The following KMT2C variants were observed in gnomAD, a reference collection of about 807,000 sequenced individuals.
KMT2C encodes histone-lysine N-methyltransferase 2C.
In KMT2C, 88 loss-of-function variants were observed where a neutral mutation model predicts 507.9. That is an observed-to-expected ratio of 0.17 (90% CI 0.15 to 0.21). The LOEUF is 0.21. Ranked by LOEUF, KMT2C falls within the 10% of genes least tolerant of loss-of-function variation. The probability of loss-of-function intolerance (pLI) is 1.00; values close to 1 mark genes in which losing one functional copy is unlikely to be tolerated. For synonymous variants in KMT2C, 2,049 were observed against 2,080.8 expected (o/e 0.98, Z 0.42); for missense variants, 4,954 against 5,957.8 (o/e 0.83, Z 5.55).
chr7:152,417,637 G>A (rs1189906834), intron 1 of KMT2C, among the ~76,000 whole-genome samples: 1 of 152,030 alleles, frequency 6.6e-6, no homozygotes, highest in Non-Finnish European at 1.5e-5. Context: ...ATCAAAAAAT[G>A]CTTTTTTGTT....
At chr7:152,326,950 CAG>C (rs1563871545) in intron 3 of KMT2C, among the ~76,000 whole-genome samples, 8 of 152,102 alleles carry the variant, frequency 5.3e-5, no homozygotes. Context: ...AACTGTGGGA[CAG>C]AGAGATAAAA....
chr7:152,336,310 A>G (rs559110170), intron 2 of KMT2C, among the ~76,000 whole-genome samples: 267 of 152,318 alleles, frequency 1.8e-3, no homozygotes, highest in Non-Finnish European at 1.8e-3. Flanking sequence ...AGATCTTAGT[A>G]TCTGTCAAAG....
In KMT2C at chr7:152,179,666, G is replaced by A. The variant is rs569646736; in HGVS notation, c.7442+168C>T. 6.9e-5 allele frequency among the ~76,000 whole-genome samples: 10 copies of A among 143,956 alleles called. 1 individual carries two copies. Among genetic ancestry groups the A allele is most frequent in the Non-Finnish European group, 1.2e-4 (8 of 64,014 alleles). 94.4% of individuals were successfully genotyped at this position (143,956 alleles called of 152,430 possible). A position where few individuals can be genotyped will look rare whatever the true frequency, so the allele number is the denominator to read the frequency against. ...TAAATTTGTTGAAGAGGTTGGGGGG[G>A]GGGGGGGGTGGTCTCACTATATTGC... On this transcript the variant is annotated intron_variant, in intron 37 of 58. Transcript: ENST00000262189.
At chr7:152,185,961 T>C (rs901130324) in intron 33 of KMT2C, among the ~76,000 whole-genome samples, 1 of 152,192 alleles carries the variant, frequency 6.6e-6, no homozygotes, top group African/African-American at 2.4e-5. Context: ...AAGTACAAGT[T>C]TGTAAAACAT....
intron 1 of KMT2C, chr7:152,367,355 G>A: frequency 1.3e-6 from 1 of 773,212 alleles, no homozygotes; most frequent in East Asian, 2.7e-5. Context: ...AGACACCCCA[G>A]GGAGCACCTA....
At chr7:152,341,631 A>C (rs1411596181) in intron 2 of KMT2C, among the ~76,000 whole-genome samples, 1 of 152,196 alleles carries the variant, frequency 6.6e-6, no homozygotes, top group African/African-American at 2.4e-5. Flanking sequence ...TTGACAGACA[A>C]CACCAATATC....
rs569628547 is a variant in KMT2C at position 152,186,194 on chromosome 7, A to C, written c.5009-563T>G. ...TTATTTATTCCACATTACAAAAAGA[A>C]AGCAAGCTTCCAAAAAGCCAATGAA... On this transcript the variant is annotated intron_variant, in intron 33 of 58. Transcript: ENST00000262189. Among the ~76,000 whole-genome samples the C allele has an allele frequency of 5.9e-5, 9 of 152,358 alleles. No homozygotes were observed. The South Asian group carries it at 1.9e-3, about 32-fold the overall frequency.
intron 1 of KMT2C, among the ~76,000 whole-genome samples, chr7:152,386,339 C>T (rs1357450057): frequency 6.6e-6 from 1 of 152,312 alleles, no homozygotes; most frequent in Non-Finnish European, 1.5e-5. Context: ...ATTATCATCC[C>T]CCTTCCCACT....
At chr7:152,413,261 CG>C (rs1175753677) in intron 1 of KMT2C, among the ~76,000 whole-genome samples, 1 of 151,924 alleles carries the variant, frequency 6.6e-6, no homozygotes, top group African/African-American at 2.4e-5. Context: ...ACTACTAACG[CG>C]GGCCACCATA....
In KMT2C at chr7:152,344,040, T is replaced by C. The variant is rs577753385; in HGVS notation, c.251-13301A>G. Among the ~76,000 whole-genome samples the C allele has an allele frequency of 2.0e-5, 3 of 152,380 alleles. No homozygotes were observed. In the South Asian group the frequency reaches 6.2e-4, roughly 32 times the overall value. On this transcript the variant is annotated intron_variant, in intron 2 of 58. Transcript: ENST00000262189. Reference sequence around the variant, plus strand: ...TTAACTGATCTAATAGATAAGTTTGTTCAAAATAATATCTGCAACAATGTA... The same window carrying C: ...TTAACTGATCTAATAGATAAGTTTGCTCAAAATAATATCTGCAACAATGTA...
chr7:152,317,836 C>T (rs10270901), intron 3 of KMT2C, among the ~76,000 whole-genome samples: 16,487 of 152,076 alleles, frequency 0.11, 2,154 homozygotes, highest in African/African-American at 0.31. Flanking sequence ...TGAGACCCTG[C>T]CTGTATTTTA....
chr7:152,138,668 C>T lies in KMT2C; in HGVS notation c.14643+128G>A. 1 of 634,874 alleles carries T rather than the reference C, an allele frequency of 1.6e-6. No homozygotes were observed. The highest frequency in any genetic ancestry group is 2.0e-5 in the South Asian group (1 of 50,930). The allele number at this position is 634,874 out of a possible 1,614,324, so 39.3% of individuals were successfully genotyped here. A position where few individuals can be genotyped will look rare whatever the true frequency, so the allele number is the denominator to read the frequency against. ...GATACTGCAGGGTGGGAACATCTGG[C>T]CTATTATGGACAGAGTTTTTATCAC... On this transcript the variant is annotated intron_variant, in intron 58 of 58. Coordinates refer to ENST00000262189, the MANE Select transcript of KMT2C (RefSeq NM_170606.3). This position sits in a 1 kb window ranked among gnomAD's most constrained non-coding sequence, Gnocchi z 4.2.
intron 2 of KMT2C, among the ~76,000 whole-genome samples, chr7:152,333,544 T>C (rs1563899565): frequency 2.6e-5 from 4 of 152,228 alleles, no homozygotes. Flanking sequence ...CACCATATTT[T>C]AACTATACAC....
chr7:152,313,450 A>G lies in KMT2C; in HGVS notation c.591-1504T>C, dbSNP rs1377473462. Among the ~76,000 whole-genome samples the G allele has an allele frequency of 2.0e-5, 3 of 152,122 alleles. No homozygotes were observed. The East Asian group carries it at 5.8e-4, about 29-fold the overall frequency. Reference sequence around the variant, plus strand: ...TATATACCATATCAGTAAGATATCAATGTCAACACTAAGGATGACAGCAGC... The same window carrying G: ...TATATACCATATCAGTAAGATATCAGTGTCAACACTAAGGATGACAGCAGC... On this transcript the variant is annotated intron_variant, in intron 4 of 58. Transcript: ENST00000262189.
At chr7:152,265,819 T>A (rs1355376395) in intron 7 of KMT2C, among the ~76,000 whole-genome samples, 1 of 151,992 alleles carries the variant, frequency 6.6e-6, no homozygotes, top group Non-Finnish European at 1.5e-5. Flanking sequence ...AATATACTAA[T>A]TATATATTCA....
At position 152,182,083 on chromosome 7, in the gene KMT2C, C is replaced by T. The variant is rs749933914; in HGVS notation, c.5777G>A (p.Cys1926Tyr). Residue 1926 changes from cysteine (C) to tyrosine (Y), a missense_variant, in exon 36 of 59, where the codon TGT becomes TAT. Cys to Tyr is a radical substitution (Grantham distance 194). Coordinates refer to ENST00000262189, the MANE Select transcript of KMT2C (RefSeq NM_170606.3). Reference sequence around the variant, plus strand: ...CCTAGATACCGATGATAAAGGTGTACAGTTTTCCACTGGTGCAGCAGAATT... The same window carrying T: ...CCTAGATACCGATGATAAAGGTGTATAGTTTTCCACTGGTGCAGCAGAATT... ...RRNSAAPVENCTPLSSVSRPL... is the reference protein window; with the variant it reads ...RRNSAAPVENYTPLSSVSRPL... 2 of 1,614,068 alleles carry T rather than the reference C, an allele frequency of 1.2e-6. No homozygotes were observed. Among genetic ancestry groups the T allele is most frequent in the African/African-American group, 2.7e-5 (2 of 74,918 alleles).
chr7:152,358,853 T>C (rs1440775293), intron 1 of KMT2C, among the ~76,000 whole-genome samples, 178 bp from the exon 2 acceptor site: 1 of 152,186 alleles, frequency 6.6e-6, no homozygotes, highest in East Asian at 1.9e-4. Flanking sequence ...TTTTCTCCCT[T>C]AAATCCAGCA....
Position 152,162,177 on chromosome 7 carries a change from T to G in KMT2C, c.11400A>C (p.Ser3800=). 1 of 1,611,470 alleles carries G rather than the reference T, an allele frequency of 6.2e-7. No homozygotes were observed. Among genetic ancestry groups the G allele is most frequent in the South Asian group, 1.1e-5 (1 of 90,744 alleles). Residue 3800 remains serine (S), a synonymous_variant, in exon 43 of 59, where the codon TCA becomes TCC. Transcript: ENST00000262189. ...TATTATCCTTTGTACAGTCATCTTC[T>G]GAACAAATACTGCCCTCAGGTTTTT... ...LNQKPEGSIC[S]EDDCTKDNKL... is the part of the protein sequence containing the mutation.
intron 23 of KMT2C, among the ~76,000 whole-genome samples, chr7:152,219,843 A>C (rs1340132940): frequency 6.6e-6 from 1 of 152,076 alleles, no homozygotes; most frequent in Admixed American, 6.5e-5. Context: ...CTCTACAAAA[A>C]AATACAAAAA....
Sources: gnomAD v4.1 joint callset for allele counts (sites outside exome capture counted in the v4.1 genomes callset) on GRCh38, gnomAD v4.1.1 for gene constraint, Gnocchi (gnomAD v3.1) non-coding constraint, MANE v1.5 for transcripts, NCBI Gene and HGNC (gene_info 2026-07-23, HGNC 2026-07-21) for gene names.